Variants in CLSTN2 observed in about 807,000 individuals in gnomAD.
CLSTN2 encodes calsyntenin-2.
CLSTN2 carries 48 observed loss-of-function variants against 101.2 expected under a neutral mutation model. The ratio of observed to expected loss-of-function variants is 0.47; its 90% confidence interval spans 0.38 to 0.60. The LOEUF (loss-of-function observed/expected upper bound fraction) is 0.60. CLSTN2 is among the 20% of genes least tolerant of loss of function. The pLI is 0.00. For synonymous variants in CLSTN2, 481 were observed against 463.6 expected, an observed-to-expected ratio of 1.04 and a Z score of -0.48; for missense variants, 1,160 against 1,238.2, an observed-to-expected ratio of 0.94 and a Z score of 0.95.
chr3:140,442,452 C>T (rs1297790374), intron 5 of CLSTN2, among the ~76,000 whole-genome samples: 1 of 152,178 alleles, frequency 6.6e-6, no homozygotes. Context: ...TTCCTTCTGC[C>T]TCCTGGCTGA....
In CLSTN2 at chr3:140,566,170, G is replaced by A. The variant is rs762001951; in HGVS notation, c.2785G>A (p.Glu929Lys). The A allele has an allele frequency of 2.5e-6, 4 of 1,612,280 alleles. No homozygotes were observed. The East Asian group carries it at 6.7e-5, about 27-fold the overall frequency. Residue 929 changes from glutamate to lysine, a missense_variant, in exon 17 of 17, where the codon GAA becomes AAA. Glu to Lys is a moderately conservative substitution (Grantham distance 56). Transcript: ENST00000458420. ...CGACAGCGAAGAGGAGGAGGAGGAGGAAGGGATGGGCAGAGGCAGACATGG... is the reference window on the plus strand; with the variant it reads ...CGACAGCGAAGAGGAGGAGGAGGAGAAAGGGATGGGCAGAGGCAGACATGG... The part of the protein sequence containing the change: ...SDDSEEEEEE[E>K]GMGRGRHGQN...
Position 140,324,547 on chromosome 3 carries a change from G to A in CLSTN2, c.233-79082G>A, listed in dbSNP as rs147564127. Among the ~76,000 whole-genome samples, 418 of 152,304 alleles carry A rather than the reference G, an allele frequency of 2.7e-3. 3 individuals are homozygous for A. The highest frequency in any genetic ancestry group is 3.9e-3 in the Non-Finnish European group (262 of 68,022). Reference sequence around the variant, plus strand: ...TGTTGACAGCAATTTTTCTAGGATTGTGGAAACCTGATGAATTGGTTTTCC... The same window carrying A: ...TGTTGACAGCAATTTTTCTAGGATTATGGAAACCTGATGAATTGGTTTTCC... On this transcript the variant is annotated intron_variant, in intron 2 of 16. Transcript: ENST00000458420.
intron 1 of CLSTN2, among the ~76,000 whole-genome samples, chr3:140,149,750 C>T (rs2009833544): frequency 6.6e-6 from 1 of 152,178 alleles, no homozygotes; most frequent in East Asian, 1.9e-4. Flanking sequence ...AGCCACCGCG[C>T]CTGGCCAATA....
chr3:140,434,349 A>G (rs1012556238), intron 5 of CLSTN2, among the ~76,000 whole-genome samples: 1 of 152,210 alleles, frequency 6.6e-6, no homozygotes, highest in Non-Finnish European at 1.5e-5. Flanking sequence ...GCAGAGGGAC[A>G]GTGTAGTCCT....
intron 1 of CLSTN2, among the ~76,000 whole-genome samples, chr3:140,162,049 A>C (rs1321243578): frequency 6.6e-6 from 1 of 152,188 alleles, no homozygotes. Flanking sequence ...TCATTGTTTT[A>C]CATTTTTGCA....
At chr3:140,382,636 A>C (rs928225127) in intron 2 of CLSTN2, among the ~76,000 whole-genome samples, 21 of 152,300 alleles carry the variant, frequency 1.4e-4, no homozygotes, top group African/African-American at 5.1e-4. Flanking sequence ...AGCTGCTATA[A>C]TAAAACACCA....
chr3:140,056,157 A>G (rs1219701038), intron 1 of CLSTN2, among the ~76,000 whole-genome samples: 2 of 152,200 alleles, frequency 1.3e-5, no homozygotes, highest in East Asian at 3.8e-4. Flanking sequence ...GCAGCAGAGT[A>G]TGGAATGAAC....
intron 1 of CLSTN2, among the ~76,000 whole-genome samples, chr3:140,014,799 C>G (rs1350255921): frequency 1.3e-5 from 2 of 152,124 alleles, no homozygotes; most frequent in East Asian, 1.9e-4. Flanking sequence ...AGTGATCAGT[C>G]AGAGTTTTGT....
At chr3:140,161,266 T>C (rs1438523795) in intron 1 of CLSTN2, among the ~76,000 whole-genome samples, 1 of 152,172 alleles carries the variant, frequency 6.6e-6, no homozygotes, top group Non-Finnish European at 1.5e-5. Context: ...ACTCTGAAAA[T>C]TCAGAGTCCA....
In CLSTN2 at chr3:140,374,007, C is replaced by T. The variant is rs185057242; in HGVS notation, c.233-29622C>T. On this transcript the variant is annotated intron_variant, in intron 2 of 16. Coordinates refer to ENST00000458420, the MANE Select transcript of CLSTN2 (RefSeq NM_022131.3). ...CCAGTTGCAGGCCCTTGTCACTGAG[C>T]CTGGATGGCTTCCATCACCTCCTGA... Among the ~76,000 whole-genome samples, 149 of 152,304 alleles carry T rather than the reference C, an allele frequency of 9.8e-4. 2 individuals carry two copies. In the South Asian group the frequency reaches 0.02, roughly 21 times the overall value.
chr3:140,460,229 A>C (rs1933525456), intron 7 of CLSTN2: 1 of 178,548 alleles, frequency 5.6e-6, no homozygotes, highest in African/African-American at 2.4e-5. Context: ...AAAACCTCTG[A>C]CATATATAGT....
At chr3:140,306,931 T>C (rs973532681) in intron 2 of CLSTN2, among the ~76,000 whole-genome samples, 3 of 151,884 alleles carry the variant, frequency 2.0e-5, no homozygotes, top group African/African-American at 7.2e-5. Flanking sequence ...GGTTTGGCTG[T>C]GTCCCCACCC....
intron 1 of CLSTN2, among the ~76,000 whole-genome samples, chr3:140,120,602 C>G (rs2009324883): frequency 6.6e-6 from 1 of 152,216 alleles, no homozygotes; most frequent in South Asian, 2.1e-4. Flanking sequence ...CCTGCCTTGG[C>G]CTTTCTGGTT....
chr3:140,022,421 T>C (rs771263115), intron 1 of CLSTN2, among the ~76,000 whole-genome samples: 1 of 152,188 alleles, frequency 6.6e-6, no homozygotes, highest in Non-Finnish European at 1.5e-5. Flanking sequence ...GCAATGAGCC[T>C]GGGTCTGGAG....
intron 2 of CLSTN2, among the ~76,000 whole-genome samples, chr3:140,345,868 A>G (rs2087541470): frequency 6.6e-6 from 1 of 152,174 alleles, no homozygotes; most frequent in African/African-American, 2.4e-5. Flanking sequence ...CTCCTAATTT[A>G]AAGGAATCCA....
intron 2 of CLSTN2, among the ~76,000 whole-genome samples, chr3:140,183,985 C>T (rs2010449445): frequency 6.6e-6 from 1 of 152,194 alleles, no homozygotes; most frequent in Admixed American, 6.5e-5. Context: ...ACAACCATTA[C>T]TTCTTTCTTA....
chr3:140,084,637 G>T (rs1466945984), intron 1 of CLSTN2, among the ~76,000 whole-genome samples: 1 of 152,116 alleles, frequency 6.6e-6, no homozygotes, highest in Admixed American at 6.5e-5. Flanking sequence ...CTACCTGAGG[G>T]TTCTCTAATA....
intron 2 of CLSTN2, among the ~76,000 whole-genome samples, chr3:140,216,371 GC>G (rs1262655975): frequency 6.6e-6 from 1 of 152,188 alleles, no homozygotes; most frequent in Admixed American, 6.5e-5. Flanking sequence ...AGGAAGTACA[GC>G]ACTAACGTGG....
At chr3:140,466,556 TG>T in intron 7 of CLSTN2, 53 bp from the exon 8 acceptor site, 2 of 1,611,344 alleles carry the variant, frequency 1.2e-6, no homozygotes, top group Non-Finnish European at 1.7e-6. Flanking sequence ...ACTCCTCTGG[TG>T]GAGGCTGACA....
Sources: allele counts gnomAD v4.1 joint callset (sites outside exome capture counted in the v4.1 genomes callset), GRCh38; gene constraint gnomAD v4.1.1; transcripts MANE v1.5; gene names NCBI Gene and HGNC (gene_info 2026-07-23, HGNC 2026-07-21).